Variants in WDR6 observed in about 807,000 individuals in gnomAD.
WDR6 encodes tRNA (34-2'-O)-methyltransferase regulator WDR6.
In WDR6, 58 loss-of-function variants were observed where a neutral mutation model predicts 85.6. The observed-to-expected ratio is 0.68, with a 90% CI of 0.55 to 0.84. The LOEUF is 0.84. Ranked by LOEUF, WDR6 falls within the 40% of genes least tolerant of loss-of-function variation. The probability of loss-of-function intolerance (pLI) is 0.00; values close to 1 mark genes in which losing one functional copy is unlikely to be tolerated. For synonymous variants in WDR6, 569 were observed against 582.2 expected, an observed-to-expected ratio of 0.98 and a Z score of 0.33; for missense variants, 1,310 against 1,476.4, an observed-to-expected ratio of 0.89 and a Z score of 1.85.
chr3:49,011,220 G>C (rs923574159), intron 1 of WDR6: 3 of 401,074 alleles, frequency 7.5e-6, no homozygotes, highest in Admixed American at 6.8e-5. Flanking sequence ...GAGTAGCTGG[G>C]ATTACAGGCA....
Position 49,012,364 on chromosome 3 carries a change from AT to A in WDR6, c.832del (p.Cys278ValfsTer27), listed in dbSNP as rs2093021349. On this transcript the variant is annotated frameshift_variant, in exon 2 of 6. Coordinates refer to ENST00000608424, the MANE Select transcript of WDR6 (RefSeq NM_018031.6). LOFTEE classifies it high-confidence loss of function. The surrounding 1 kb of genome is among the most constrained non-coding windows in gnomAD (Gnocchi z 4.4). ...AATTACCTTATCAGTGCAGGAGAGG[AT>A]TGTGTCTGCTTGGTGTGGAGCCATG... ...LENYLISAGEDCVCLVWSHEG... is the reference protein window; with the variant it reads ...LENYLISAGEXCVCLVWSHEG... 2 of 1,614,038 alleles carry A rather than the reference AT, an allele frequency of 1.2e-6. No individual in the cohort carries two copies. The highest frequency in any genetic ancestry group is 1.7e-6 in the Non-Finnish European group (2 of 1,180,008).
In WDR6 at chr3:49,014,916, G is replaced by A. The variant is rs2093043606; in HGVS notation, c.2994G>A (p.Val998=). 1 of 1,614,122 alleles carries A rather than the reference G, an allele frequency of 6.2e-7. No homozygotes were observed. The highest frequency in any genetic ancestry group is 2.2e-5 in the East Asian group (1 of 44,886). Residue 998 remains valine, a synonymous_variant, in exon 6 of 6, where the codon GTG becomes GTA. Coordinates refer to ENST00000608424, the MANE Select transcript of WDR6 (RefSeq NM_018031.6). This position sits in a 1 kb window ranked among gnomAD's most constrained non-coding sequence, Gnocchi z 4.9. ...CCACCCGTGAGGGCCACCATCTCGT[G>A]GCCAGTGGCAGTGAAGATGGATCCC... The part of the protein sequence containing the change: ...TLPTREGHHL[V]ASGSEDGSLH...
chr3:49,014,938 T>C lies in WDR6; in HGVS notation c.3016T>C (p.Ser1006Pro), dbSNP rs757973751. The C allele has an allele frequency of 1.9e-6, 3 of 1,614,064 alleles. No individual in the cohort carries two copies. The South Asian group carries it at 3.3e-5, about 18-fold the overall frequency. The change falls in exon 6 of 6, where the codon TCC becomes CCC. Residue 1006 changes from serine (S) to proline (P), a missense_variant. By Grantham distance (74) the Ser-to-Pro change is moderately conservative (BLOSUM62 -1). Coordinates refer to ENST00000608424, the MANE Select transcript of WDR6 (RefSeq NM_018031.6). This position sits in a 1 kb window ranked among gnomAD's most constrained non-coding sequence, Gnocchi z 4.9. ...HLVASGSEDG[S>P]LHVFVLAVEM... ...CGTGGCCAGTGGCAGTGAAGATGGA[T>C]CCCTCCATGTCTTCGTGCTTGCTGT...
intron 1 of WDR6, chr3:49,008,865 G>A (rs1340617402): frequency 6.5e-6 from 1 of 152,840 alleles, no homozygotes; most frequent in Non-Finnish European, 1.5e-5. Context: ...ACAATTCTGT[G>A]TGTGTGTGTT....
chr3:49,013,135 C>T lies in WDR6; in HGVS notation c.1601C>T (p.Ala534Val). The change falls in exon 2 of 6, where the codon GCT becomes GTT. Residue 534 changes from alanine (A) to valine (V), a missense_variant. Coordinates refer to ENST00000608424, the MANE Select transcript of WDR6 (RefSeq NM_018031.6). The surrounding 1 kb of genome is among the most constrained non-coding windows in gnomAD (Gnocchi z 4.6). The part of the protein sequence containing the change: ...LLKDPGVGGK[A>V]RAGAGAPVVG... ...AAGGACCCTGGGGTGGGAGGCAAGGCTCGGGCTGGTGCTGGGGCACCTGTA... is the reference window on the plus strand; with the variant it reads ...AAGGACCCTGGGGTGGGAGGCAAGGTTCGGGCTGGTGCTGGGGCACCTGTA... 1 of 1,607,932 alleles carries T rather than the reference C, an allele frequency of 6.2e-7. No homozygotes were observed. The highest frequency in any genetic ancestry group is 8.5e-7 in the Non-Finnish European group (1 of 1,176,038).
chr3:49,012,871 G>C lies in WDR6; in HGVS notation c.1337G>C (p.Arg446Pro). Residue 446 changes from arginine (R) to proline (P), a missense_variant, in exon 2 of 6, where the codon CGT becomes CCT. Arg to Pro is a moderately radical substitution (Grantham distance 103). Transcript: ENST00000608424. The surrounding 1 kb of genome is among the most constrained non-coding windows in gnomAD (Gnocchi z 4.4). The stretch of plus-strand genomic sequence containing the variant: ...GTGCACAGCTTGAGCTGGGCCCTGC[G>C]TGGTTATGAGGAGCTCCTGTTGCTG... ...GKVHSLSWAL[R>P]GYEELLLLAS... is the part of the protein sequence containing the mutation. 6.2e-7 allele frequency: 1 copy of C among 1,613,674 alleles called. No homozygotes were observed. Among genetic ancestry groups the C allele is most frequent in the Non-Finnish European group, 8.5e-7 (1 of 1,179,894 alleles).
At position 49,014,498 on chromosome 3, in the gene WDR6, C is replaced by T. The variant is rs576555873; in HGVS notation, c.2782C>T (p.Arg928Trp). 1.8e-5 allele frequency: 29 copies of T among 1,614,038 alleles called. No homozygotes were observed. The highest frequency in any genetic ancestry group is 1.1e-4 in the African/African-American group (8 of 75,024). ...TACACACGAGGCACCCAACCAGAGG[C>T]GGTGAGAGGGGCTGGATGATGGTCC... ...SFTHEAPNQR[R>W]RLLLCSAATD... Residue 928 changes from arginine (R) to tryptophan (W), a missense_variant and splice_region_variant, in exon 4 of 6, where the codon CGG (arginine) becomes TGG (tryptophan). By Grantham distance (101) the Arg-to-Trp change is moderately radical (BLOSUM62 -3). Transcript: ENST00000608424. This position sits in a 1 kb window ranked among gnomAD's most constrained non-coding sequence, Gnocchi z 4.9.
In WDR6 at chr3:49,015,021, T is replaced by C. The variant is rs1559900219; in HGVS notation, c.3099T>C (p.Arg1033=). The change falls in exon 6 of 6, where the codon CGT becomes CGC. Residue 1033 remains arginine (R), a synonymous_variant. Transcript: ENST00000608424. ...AGGCTGGGCTGGTACCCCAGCTGCG[T>C]GTGCTAGAGGAATACTCTGTCCCCT... is the stretch of plus-strand genomic sequence containing the variant. ...VGEAGLVPQL[R]VLEEYSVPCA... is the part of the protein sequence containing the mutation. 2 of 1,614,144 alleles carry C rather than the reference T, an allele frequency of 1.2e-6. No individual in the cohort carries two copies. Among genetic ancestry groups the C allele is most frequent in the Non-Finnish European group, 1.7e-6 (2 of 1,180,028 alleles).
rs1484185499 is a variant in WDR6 at position 49,011,721 on chromosome 3, T to A, written c.187T>A (p.Tyr63Asn). 1 of 1,614,086 alleles carries A rather than the reference T, an allele frequency of 6.2e-7. No homozygotes were observed. The highest frequency in any genetic ancestry group is 1.3e-5 in the African/African-American group (1 of 74,932). The change falls in exon 2 of 6, where the codon TAT becomes AAT. Residue 63 changes from tyrosine to asparagine, a missense_variant. Coordinates refer to ENST00000608424, the MANE Select transcript of WDR6 (RefSeq NM_018031.6). ...GCGAGTGCAGAACCTGCTTGGCCAC[T>A]ATCTTATCCATGGCTTCCGGGTACG... ...IKRVQNLLGH[Y>N]LIHGFRVRPE...
rs2093047969 is a variant in WDR6, at chr3:49,015,282, T to G, written c.3360T>G (p.Tyr1120Ter). 6.2e-7 allele frequency: 1 copy of G among 1,609,414 alleles called. No homozygotes were observed. Among genetic ancestry groups the G allele is most frequent in the African/African-American group, 1.3e-5 (1 of 74,884 alleles). The part of the protein sequence containing the change: ...GGQGLEVYNW[Y>*]D ...AGGGGCTTGAGGTTTACAACTGGTATGACTGAGGTATCCTGCGGTGGCTGG... is the reference window on the plus strand; with the variant it reads ...AGGGGCTTGAGGTTTACAACTGGTAGGACTGAGGTATCCTGCGGTGGCTGG... Residue 1120 changes from tyrosine (Y) to a stop codon, truncating the protein, a stop_gained, in exon 6 of 6, where the codon TAT becomes TAG. Coordinates refer to ENST00000608424, the MANE Select transcript of WDR6 (RefSeq NM_018031.6). LOFTEE classifies it high-confidence loss of function.
chr3:49,011,499 GATT>G (rs1389256580), intron 1 of WDR6, 133 bp from the exon 2 acceptor site: 5 of 1,607,738 alleles, frequency 3.1e-6, no homozygotes, highest in Admixed American at 3.3e-5. Context: ...GATTTTCTAA[GATT>G]CAAGCTGCAG....
At chr3:49,010,405 CAA>C (rs1169593580) in intron 1 of WDR6, among the ~76,000 whole-genome samples, 1 of 125,772 alleles carries the variant, frequency 8.0e-6, no homozygotes. Context: ...GACTTTGTCT[CAA>C]AAAAAAAAAA....
At position 49,014,054 on chromosome 3, in the gene WDR6, A is replaced by G; in HGVS notation, c.2520A>G (p.Leu840=). The G allele has an allele frequency of 6.2e-7, 1 of 1,613,102 alleles. No individual in the cohort carries two copies. ...CHVMHLSSHR[L]DEYWDRQRNR... ...TCATGCACCTTTCGTCCCACCGGCT[A>G]GATGAGTATTGGGACCGGCAACGCA... The change falls in exon 2 of 6, where the codon CTA becomes CTG. Residue 840 remains leucine, a synonymous_variant. Transcript: ENST00000608424. The surrounding 1 kb of genome is among the most constrained non-coding windows in gnomAD (Gnocchi z 4.9).
chr3:49,015,405 T>C lies in WDR6; in HGVS notation c.*117T>C, dbSNP rs1419073772. ...CCTTGAGGGGAGGAGGTGGTGGCCG[T>C]GGGTTCCTGATGTCGGTGCAGGAGC... On this transcript the variant is annotated 3_prime_UTR_variant, in exon 6 of 6. Transcript: ENST00000608424. 3 of 1,438,098 alleles carry C rather than the reference T, an allele frequency of 2.1e-6. No homozygotes were observed. The highest frequency in any genetic ancestry group is 4.6e-5 in the East Asian group (2 of 43,536). 89.1% of individuals were successfully genotyped at this position (1,438,098 alleles called of 1,614,324 possible).
Position 49,007,428 on chromosome 3 carries a change from C to G in WDR6, c.-4C>G, listed in dbSNP as rs1309878624. 6.2e-7 allele frequency: 1 copy of G among 1,609,862 alleles called. No homozygotes were observed. Among genetic ancestry groups the G allele is most frequent in the Non-Finnish European group, 8.5e-7 (1 of 1,178,392 alleles). ...GTGGCTGCCTCAGCACCTCGAGGAT[C>G]GACATGGACGCTCTCGAGGACTACG... is the stretch of plus-strand genomic sequence containing the variant. On this transcript the variant is annotated 5_prime_UTR_variant, in exon 1 of 6. In the 5' UTR this introduces an upstream ATG that the reference lacks. Transcript: ENST00000608424. This position sits in a 1 kb window ranked among gnomAD's most constrained non-coding sequence, Gnocchi z 5.1.
chr3:49,015,349 G>A lies in WDR6; in HGVS notation c.*61G>A. ...CCTGCTCACAGACAGCATGGAGCAG[G>A]GATGGGCTGTCTGTGCCCATGCTCA... On this transcript the variant is annotated 3_prime_UTR_variant, in exon 6 of 6. Coordinates refer to ENST00000608424, the MANE Select transcript of WDR6 (RefSeq NM_018031.6). 1.3e-6 allele frequency: 2 copies of A among 1,565,548 alleles called. No individual in the cohort carries two copies. The highest frequency in any genetic ancestry group is 3.4e-5 in the Admixed American group (2 of 58,928).
chr3:49,015,821 G>A lies in WDR6; in HGVS notation c.*533G>A, dbSNP rs761345422. 20 of 1,614,066 alleles carry A rather than the reference G, an allele frequency of 1.2e-5. No individual in the cohort carries two copies. The highest frequency in any genetic ancestry group is 1.6e-5 in the Non-Finnish European group (19 of 1,180,050). ...GTGCTCACCCCCAGGATGTGTACCCGGTTGTAGTAGGAGCTGAAATCCATG... is the reference window on the plus strand; with the variant it reads ...GTGCTCACCCCCAGGATGTGTACCCAGTTGTAGTAGGAGCTGAAATCCATG... On this transcript the variant is annotated 3_prime_UTR_variant, in exon 6 of 6. Transcript: ENST00000608424.
rs1487964168 is a variant in WDR6 at position 49,015,817 on chromosome 3, A to T, written c.*529A>T. On this transcript the variant is annotated 3_prime_UTR_variant, in exon 6 of 6. Transcript: ENST00000608424. ...CTGTGTGCTCACCCCCAGGATGTGT[A>T]CCCGGTTGTAGTAGGAGCTGAAATC... is the stretch of plus-strand genomic sequence containing the variant. 6.2e-7 allele frequency: 1 copy of T among 1,614,054 alleles called. No homozygotes were observed.
rs781271113 is a variant in WDR6 at position 49,007,480 on chromosome 3, A to T, written c.49A>T (p.Ile17Leu). Residue 17 changes from isoleucine to leucine, a missense_variant, in exon 1 of 6, where the codon ATA becomes TTA. Coordinates refer to ENST00000608424, the MANE Select transcript of WDR6 (RefSeq NM_018031.6). The surrounding 1 kb of genome is among the most constrained non-coding windows in gnomAD (Gnocchi z 5.1). ...TTGGCCGCGGGCAACCTCGGAGCTT[A>T]TACTCCTCCCAGTGACGGGTCTGGA... ...YVWPRATSEL[I>L]LLPVTGLECV... 1.9e-6 allele frequency: 3 copies of T among 1,611,576 alleles called. No homozygotes were observed. In the African/African-American group the frequency reaches 4.0e-5, roughly 22 times the overall value.
Sources: gnomAD v4.1 joint callset for allele counts (sites outside exome capture counted in the v4.1 genomes callset) on GRCh38, gnomAD v4.1.1 for gene constraint, Gnocchi (gnomAD v3.1) non-coding constraint, MANE v1.5 for transcripts, NCBI Gene and HGNC (gene_info 2026-07-23, HGNC 2026-07-21) for gene names.